NPAT: variants seen among roughly 807,000 people sequenced by gnomAD.
NPAT encodes nuclear protein, coactivator of histone transcription.
Under a neutral mutation model 130.7 loss-of-function variants are expected in NPAT, and 52 were observed. The observed-to-expected ratio is 0.40, with a 90% confidence interval of 0.32 to 0.50. The LOEUF is 0.50. Among genes scored for constraint, NPAT ranks in the 20% least tolerant of loss-of-function variants. The pLI is 0.68. For synonymous variants in NPAT, 580 were observed against 584.8 expected (o/e 0.99, Z 0.12); for missense variants, 1,687 against 1,662.6 (o/e 1.01, Z -0.26).
chr11:108,212,945 C>CAAA (rs34466178), intron 1 of NPAT, among the ~76,000 whole-genome samples: 15 of 36,434 alleles, frequency 4.1e-4, no homozygotes, highest in African/African-American at 1.1e-3. Flanking sequence ...GACTCTGTCT[C>CAAA]AAAAAAAAAA....
In NPAT at chr11:108,206,678, A is replaced by G. The variant is rs2078328344; in HGVS notation, c.38-9258T>C. Among the ~76,000 whole-genome samples, 2 of 152,100 alleles carry G rather than the reference A, an allele frequency of 1.3e-5. 1 individual carries two copies. Among genetic ancestry groups the G allele is most frequent in the Admixed American group, 1.3e-4 (2 of 15,266 alleles). On this transcript the variant is annotated intron_variant, in intron 1 of 17. Coordinates refer to ENST00000278612, the MANE Select transcript of NPAT (RefSeq NM_002519.3). ...TCTTCTTTCCTTCTCATTGTCTGCA[A>G]CGTGGTGAGCAAGGGGGCATGTTTC... is the stretch of plus-strand genomic sequence containing the variant.
chr11:108,217,128 CGTT>C (rs1018090099), intron 1 of NPAT, among the ~76,000 whole-genome samples: 9 of 152,222 alleles, frequency 5.9e-5, no homozygotes, highest in Non-Finnish European at 1.0e-4. Flanking sequence ...AAGATGTGCA[CGTT>C]GTTAACTGGT....
chr11:108,172,697 T>C lies in NPAT; in HGVS notation c.2287A>G (p.Ile763Val), dbSNP rs764386812. The C allele has an allele frequency of 6.2e-7, 1 of 1,613,824 alleles. No homozygotes were observed. The highest frequency in any genetic ancestry group is 8.5e-7 in the Non-Finnish European group (1 of 1,180,010). ...ATAGTTGGCAGGTTTTCTCCATTAA[T>C]ACTAGAAACAGCACTGGTAAGTTCA... ...DTELTSAVSS[I>V]NGENLPTIIL... The change falls in exon 13 of 18, where the codon ATT becomes GTT. Residue 763 changes from isoleucine to valine, a missense_variant. Around this residue, in one of 3 missense-constraint regions of NPAT, gnomAD observed 1,379 missense variants for 1,346.6 expected, o/e 1.02. Transcript: ENST00000278612.
rs1050593776 is a variant in NPAT, at chr11:108,176,430, A to G, written c.1004-56T>C. On this transcript the variant is annotated intron_variant, in intron 11 of 17. Coordinates refer to ENST00000278612, the MANE Select transcript of NPAT (RefSeq NM_002519.3). The stretch of plus-strand genomic sequence containing the variant: ...ATGACCAAAACAAAAAATAAACATC[A>G]ATGAATACAGCTTGTTGGTGATTAC... 5 of 1,228,510 alleles carry G rather than the reference A, an allele frequency of 4.1e-6. No individual in the cohort carries two copies. The African/African-American group carries it at 7.4e-5, about 18-fold the overall frequency. The allele number at this position is 1,228,510 out of a possible 1,614,324, so 76.1% of individuals were successfully genotyped here. A position where few individuals can be genotyped will look rare whatever the true frequency, so the allele number is the denominator to read the frequency against.
intron 10 of NPAT, among the ~76,000 whole-genome samples, chr11:108,177,929 C>T (rs2078024373): frequency 6.6e-6 from 1 of 152,086 alleles, no homozygotes; most frequent in African/African-American, 2.4e-5. Flanking sequence ...CCATGTTGCC[C>T]AGGCTGGTCT....
chr11:108,201,413 C>A (rs1010064587), intron 1 of NPAT, among the ~76,000 whole-genome samples: 1 of 152,198 alleles, frequency 6.6e-6, no homozygotes, highest in Non-Finnish European at 1.5e-5. Context: ...CTAAAAGGAC[C>A]TTTGACCAAC....
At chr11:108,194,539 G>C (rs1280144889) in intron 2 of NPAT, among the ~76,000 whole-genome samples, 10 of 152,226 alleles carry the variant, frequency 6.6e-5, no homozygotes, top group Admixed American at 6.5e-4. Context: ...ACGTTATTGT[G>C]TGAATCAATA....
At chr11:108,212,333 T>G (rs2078391986) in intron 1 of NPAT, among the ~76,000 whole-genome samples, 2 of 151,986 alleles carry the variant, frequency 1.3e-5, no homozygotes, top group African/African-American at 4.8e-5. Context: ...CAGACCAGCC[T>G]GCTCAACATG....
chr11:108,159,111 C>G, intron 17 of NPAT, 92 bp from the exon 18 acceptor site: 1 of 757,232 alleles, frequency 1.3e-6, no homozygotes, highest in South Asian at 1.5e-5. Context: ...GGTTCTTTCA[C>G]ATACTACTAA....
rs955234581 is a variant in NPAT at position 108,197,381 on chromosome 11, G to A, written c.77C>T (p.Thr26Ile). Residue 26 changes from threonine (T) to isoleucine (I), a missense_variant, in exon 2 of 18, where the codon ACT becomes ATT. Physicochemically the swap from Thr to Ile is moderately conservative, Grantham distance 89 (BLOSUM62 -1). Coordinates refer to ENST00000278612, the MANE Select transcript of NPAT (RefSeq NM_002519.3). Reference sequence around the variant, plus strand: ...TAAATCTGAACTTTCCAAAATAAAAGTCTGGCAGGTAGAAATGAGGTTTTC... The same window carrying A: ...TAAATCTGAACTTTCCAAAATAAAAATCTGGCAGGTAGAAATGAGGTTTTC... ...QQENLISTCQ[T>I]FILESSDLKE... is the part of the protein sequence containing the mutation. 1.9e-6 allele frequency: 3 copies of A among 1,612,936 alleles called. No individual in the cohort carries two copies. Among genetic ancestry groups the A allele is most frequent in the African/African-American group, 1.3e-5 (1 of 74,892 alleles).
rs1419215239 is a variant in NPAT, at chr11:108,161,236, T to C, written c.3850A>G (p.Ile1284Val). Residue 1284 changes from isoleucine (I) to valine (V), a missense_variant, in exon 17 of 18, where the codon ATA becomes GTA. Transcript: ENST00000278612. ...CTAGAGGGGGCCTTGATAATATCTA[T>C]AGGTTCTTCTTTATGTTTTTCCCCT... ...GAGEKHKEEP[I>V]DIIKAPSSRR... The C allele has an allele frequency of 2.5e-6, 4 of 1,614,156 alleles. No homozygotes were observed. Among genetic ancestry groups the C allele is most frequent in the South Asian group, 2.2e-5 (2 of 91,082 alleles).
chr11:108,159,174 G>C (rs986987267), intron 17 of NPAT, among the ~76,000 whole-genome samples, 155 bp from the exon 18 acceptor site: 1 of 152,132 alleles, frequency 6.6e-6, no homozygotes, highest in Non-Finnish European at 1.5e-5. Flanking sequence ...GAGAAGTAGA[G>C]ACAAGTTTTA....
chr11:108,184,133 G>A (rs568728717), intron 10 of NPAT, among the ~76,000 whole-genome samples: 1 of 152,238 alleles, frequency 6.6e-6, no homozygotes, highest in African/African-American at 2.4e-5. Context: ...AAGCCTCACA[G>A]GCAAGTTGTC....
At position 108,222,616 on chromosome 11, in the gene NPAT, C is replaced by G. The variant is rs534566260; in HGVS notation, c.-80G>C. On this transcript the variant is annotated 5_prime_UTR_variant, in exon 1 of 18. Transcript: ENST00000278612. ...CACAGCGACAGCTCCTGCGCCGCAT[C>G]TCCTGGTTCCAGTGGCGGCACTGAA... 80 of 1,508,190 alleles carry G rather than the reference C, an allele frequency of 5.3e-5. 2 individuals are homozygous for G. In the South Asian group the frequency reaches 9.1e-4, roughly 17 times the overall value. 93.4% of individuals were successfully genotyped at this position (1,508,190 alleles called of 1,614,324 possible).
chr11:108,213,411 A>G (rs1306880365), intron 1 of NPAT, among the ~76,000 whole-genome samples: 1 of 152,246 alleles, frequency 6.6e-6, no homozygotes, highest in East Asian at 1.9e-4. Flanking sequence ...GCTAGTTACA[A>G]TAGCATCAAA....
chr11:108,198,414 TC>T (rs1343566193), intron 1 of NPAT, among the ~76,000 whole-genome samples: 1 of 152,162 alleles, frequency 6.6e-6, no homozygotes, highest in Non-Finnish European at 1.5e-5. Flanking sequence ...ACTAAAGGAA[TC>T]CACGTCTAGA....
At chr11:108,180,055 C>T (rs754745517) in intron 10 of NPAT, among the ~76,000 whole-genome samples, 5 of 152,062 alleles carry the variant, frequency 3.3e-5, no homozygotes, top group East Asian at 3.9e-4. Flanking sequence ...AACTGGGCAC[C>T]GAGGCTCACA....
intron 10 of NPAT, among the ~76,000 whole-genome samples, chr11:108,178,002 T>G (rs147583048): frequency 1.2e-3 from 189 of 152,294 alleles, no homozygotes; most frequent in Non-Finnish European, 1.1e-3. Context: ...ACTACAGGCA[T>G]GAGTTACTGT....
At chr11:108,160,556 GAAAA>G (rs1300775344) in intron 17 of NPAT, among the ~76,000 whole-genome samples, 1 of 119,276 alleles carries the variant, frequency 8.4e-6, no homozygotes, top group African/African-American at 2.6e-5. Context: ...AAGAAAGAAA[GAAAA>G]ACTTTTTCTT....
Sources: gnomAD v4.1 joint callset for allele counts (sites outside exome capture counted in the v4.1 genomes callset) on GRCh38, gnomAD v4.1.1 for gene constraint, gnomAD v4.1.1 regional missense constraint, MANE v1.5 for transcripts, NCBI Gene and HGNC (gene_info 2026-07-23, HGNC 2026-07-21) for gene names.